Variants in URB2 observed in about 807,000 individuals in gnomAD.
URB2 encodes the protein unhealthy ribosome biogenesis protein 2 homolog.
In URB2, 86 loss-of-function variants were observed where a neutral mutation model predicts 120.9. The observed-to-expected ratio is 0.71, with a 90% CI of 0.60 to 0.85. The LOEUF (loss-of-function observed/expected upper bound fraction) is 0.85. URB2 is among the 40% of genes least tolerant of loss of function. The pLI is 0.00. For synonymous variants in URB2, 755 were observed against 758.4 expected (o/e 1.00, Z 0.07); for missense variants, 1,765 against 1,836.5 (o/e 0.96, Z 0.71).
rs751768954 is a variant in URB2, at chr1:229,637,826, C to A, written c.3213C>A (p.Leu1071=). ...TRLCHVLGPF[L]KEQKLGQEAP... ...TGTGCCATGTCCTGGGACCTTTCCTCAAAGAGCAGAAGCTGGGCCAAGAGG... is the reference window on the plus strand; with the variant it reads ...TGTGCCATGTCCTGGGACCTTTCCTAAAAGAGCAGAAGCTGGGCCAAGAGG... The change falls in exon 4 of 10, where the codon CTC becomes CTA. Residue 1071 remains leucine (L), a synonymous_variant. Coordinates refer to ENST00000258243, the MANE Select transcript of URB2 (RefSeq NM_014777.4). 6.2e-7 allele frequency: 1 copy of A among 1,609,962 alleles called. No homozygotes were observed. The highest frequency in any genetic ancestry group is 1.1e-5 in the South Asian group (1 of 90,820).
At chr1:229,634,210 T>G (rs1356840815) in intron 3 of URB2, among the ~76,000 whole-genome samples, 2 of 151,142 alleles carry the variant, frequency 1.3e-5, no homozygotes, top group African/African-American at 4.9e-5. Context: ...AACATGCATT[T>G]TTTTTTCTTT....
chr1:229,626,421 GGGGCTGGTCCAGAGGAGATCCCCCT>G (rs1665477614), intron 1 of URB2, 65 bp downstream of exon 1: 2 of 152,622 alleles, frequency 1.3e-5, no homozygotes, highest in Non-Finnish European at 2.9e-5. Context: ...CCCCCCACCC[GGGGCTGGTCCAGAGGAGATCCCCCT>G]ACCTAAGGCC....
Position 229,638,241 on chromosome 1 carries a change from C to T in URB2, c.3628C>T (p.Leu1210Phe). 1 of 1,594,518 alleles carries T rather than the reference C, an allele frequency of 6.3e-7. No individual in the cohort carries two copies. The highest frequency in any genetic ancestry group is 8.5e-7 in the Non-Finnish European group (1 of 1,170,686). Residue 1210 changes from leucine to phenylalanine, a missense_variant, in exon 4 of 10, where the codon CTT (leucine) becomes TTT (phenylalanine). Leu to Phe is a conservative substitution (Grantham distance 22). Transcript: ENST00000258243. ...TSMFHSVRRV[L>F]ADPEIPVQVT... is the part of the protein sequence containing the mutation. ...CATGTTTCATTCTGTGAGAAGAGTT[C>T]TTGCAGGTAAGATATTTTCTCTTGA... is the stretch of plus-strand genomic sequence containing the variant.
intron 6 of URB2, among the ~76,000 whole-genome samples, chr1:229,646,967 C>A (rs981597020): frequency 1.1e-4 from 16 of 152,206 alleles, no homozygotes; most frequent in Non-Finnish European, 1.6e-4. Context: ...TCCTGAGCAT[C>A]CGTGTTGGTG....
chr1:229,636,516 A>G lies in URB2; in HGVS notation c.1903A>G (p.Ile635Val). 4 of 1,614,182 alleles carry G rather than the reference A, an allele frequency of 2.5e-6. No homozygotes were observed. Among genetic ancestry groups the G allele is most frequent in the South Asian group, 1.1e-5 (1 of 91,074 alleles). Residue 635 changes from isoleucine to valine, a missense_variant, in exon 4 of 10, where the codon ATA becomes GTA. Coordinates refer to ENST00000258243, the MANE Select transcript of URB2 (RefSeq NM_014777.4). The part of the protein sequence containing the change: ...SQYHSMSGPL[I>V]GVALEISNLP... ...GTATCACTCTATGTCTGGGCCCCTTATAGGTGTTGCTCTGGAGATCTCGAA... is the reference window on the plus strand; with the variant it reads ...GTATCACTCTATGTCTGGGCCCCTTGTAGGTGTTGCTCTGGAGATCTCGAA...
At chr1:229,641,959 A>G (rs1666022652) in intron 4 of URB2, among the ~76,000 whole-genome samples, 2 of 152,162 alleles carry the variant, frequency 1.3e-5, no homozygotes, top group South Asian at 2.1e-4. Flanking sequence ...GCAGTGATCC[A>G]TGATTGTGCC....
intron 5 of URB2, among the ~76,000 whole-genome samples, chr1:229,645,447 C>G (rs1160883017): frequency 6.6e-6 from 1 of 152,178 alleles, no homozygotes. Flanking sequence ...TTTCCTCCAG[C>G]CCCTCCTATC....
In URB2 at chr1:229,636,154, G is replaced by A. The variant is rs1166179877; in HGVS notation, c.1541G>A (p.Trp514Ter). The A allele has an allele frequency of 2.5e-6, 4 of 1,614,240 alleles. No homozygotes were observed. Residue 514 changes from tryptophan (W) to a stop codon, truncating the protein, a stop_gained, in exon 4 of 10, where the codon TGG becomes TAG. Coordinates refer to ENST00000258243, the MANE Select transcript of URB2 (RefSeq NM_014777.4). LOFTEE classifies it high-confidence loss of function. ...ELPPSQILDT[W>*]SLVLEKFQSL... ...CCTCCAAGTCAGATCCTGGACACGTGGTCCCTTGTGCTGGAGAAGTTCCAG... is the reference window on the plus strand; with the variant it reads ...CCTCCAAGTCAGATCCTGGACACGTAGTCCCTTGTGCTGGAGAAGTTCCAG...
intron 4 of URB2, among the ~76,000 whole-genome samples, chr1:229,638,578 A>C (rs369559327): frequency 6.6e-6 from 1 of 151,980 alleles, no homozygotes; most frequent in African/African-American, 2.4e-5. Context: ...CCCAGGAGGC[A>C]GAGCTTGCAG....
intron 2 of URB2, among the ~76,000 whole-genome samples, chr1:229,631,602 C>T (rs545630717): frequency 4.6e-5 from 7 of 152,228 alleles, no homozygotes; most frequent in African/African-American, 1.7e-4. Flanking sequence ...TATTGCGTCT[C>T]AAGGAATAGG....
intron 8 of URB2, among the ~76,000 whole-genome samples, chr1:229,652,348 A>G (rs1305057096): frequency 6.6e-6 from 1 of 152,218 alleles, no homozygotes; most frequent in Non-Finnish European, 1.5e-5. Context: ...TCGGGGTGTC[A>G]GAGAAGAGCC....
At position 229,651,223 on chromosome 1, in the gene URB2, CT is replaced by C. The variant is rs534771152; in HGVS notation, c.4150-11del. The C allele has an allele frequency of 5.6e-4, 900 of 1,593,406 alleles. 1 individual carries two copies. Among genetic ancestry groups the C allele is most frequent in the Non-Finnish European group, 7.0e-4 (819 of 1,172,776 alleles). ...CGTATGTACTTTTACATTCTGTTATCTGTCATTACAGGTAATGCTGAAAGCC... is the reference window on the plus strand; with the variant it reads ...CGTATGTACTTTTACATTCTGTTATCGTCATTACAGGTAATGCTGAAAGCC... On this transcript the variant is annotated splice_polypyrimidine_tract_variant and intron_variant, in intron 7 of 9. Transcript: ENST00000258243.
At chr1:229,643,126 AGGTTGAGGAGGAGGAAGAGGAGGGGTT>A (rs796707352) in intron 4 of URB2, among the ~76,000 whole-genome samples, 31 of 152,338 alleles carry the variant, frequency 2.0e-4, no homozygotes, top group African/African-American at 6.3e-4. Flanking sequence ...CACACTGAGT[AGGTTGAGGAGGAGGAAGAGGAGGGGTT>A]GGTCTTGCAG....
chr1:229,637,019 A>C lies in URB2; in HGVS notation c.2406A>C (p.Pro802=), dbSNP rs764248389. ...CCTTCCTTCATAGCCCTCTCTTTCC[A>C]GAGATGCAGTCCCTTCATTCTGCTT... ...SKAFLHSPLF[P]EMQSLHSAFL... is the part of the protein sequence containing the mutation. The change falls in exon 4 of 10, where the codon CCA becomes CCC. Residue 802 remains proline, a synonymous_variant. Transcript: ENST00000258243. The C allele has an allele frequency of 2.0e-5, 33 of 1,613,954 alleles. No homozygotes were observed. The highest frequency in any genetic ancestry group is 2.8e-5 in the Non-Finnish European group (33 of 1,180,054).
At position 229,659,121 on chromosome 1, in the gene URB2, A is replaced by C; in HGVS notation, c.4399A>C (p.Lys1467Gln). 1 of 1,612,116 alleles carries C rather than the reference A, an allele frequency of 6.2e-7. No homozygotes were observed. Among genetic ancestry groups the C allele is most frequent in the East Asian group, 2.2e-5 (1 of 44,862 alleles). The change falls in exon 10 of 10, where the codon AAA (lysine) becomes CAA (glutamine). Residue 1467 changes from lysine to glutamine, a missense_variant. Coordinates refer to ENST00000258243, the MANE Select transcript of URB2 (RefSeq NM_014777.4). ...TCAGGTGACCTTATATCCAGCTGTG[A>C]AAAGTCTGCTGCAGGAGGGCATTTA... ...VQKVTLYPAV[K>Q]SLLQEGIYLI...
At chr1:229,649,802 A>G (rs1666226199) in intron 7 of URB2, among the ~76,000 whole-genome samples, 1 of 152,164 alleles carries the variant, frequency 6.6e-6, no homozygotes, top group African/African-American at 2.4e-5. Flanking sequence ...AGCTTGTTCA[A>G]TCCTCATGAC....
rs752921090 is a variant in URB2 at position 229,636,849 on chromosome 1, A to C, written c.2236A>C (p.Asn746His). ...PVAHWHLIVS[N>H]LTILISYLCP... ...AGCACACTGGCACTTGATTGTGTCA[A>C]ATCTCACAATTTTAATATCCTATCT... The change falls in exon 4 of 10, where the codon AAT (asparagine) becomes CAT (histidine). Residue 746 changes from asparagine to histidine, a missense_variant. Transcript: ENST00000258243. 6.2e-7 allele frequency: 1 copy of C among 1,611,346 alleles called. No homozygotes were observed. The highest frequency in any genetic ancestry group is 1.1e-5 in the South Asian group (1 of 90,972).
chr1:229,633,179 G>A (rs1184648950), intron 3 of URB2, among the ~76,000 whole-genome samples: 2 of 152,086 alleles, frequency 1.3e-5, no homozygotes, highest in Admixed American at 6.5e-5. Flanking sequence ...AGAGAAAATC[G>A]TTAGAGGCTA....
chr1:229,632,508 G>A (rs1665696849), intron 3 of URB2, 63 bp downstream of exon 3: 2 of 1,405,936 alleles, frequency 1.4e-6, no homozygotes. Flanking sequence ...GTTAATGCTG[G>A]AAACTTGTTT....
Sources: gnomAD v4.1 joint callset for allele counts (sites outside exome capture counted in the v4.1 genomes callset) on GRCh38, gnomAD v4.1.1 for gene constraint, MANE v1.5 for transcripts, NCBI Gene and HGNC (gene_info 2026-07-23, HGNC 2026-07-21) for gene names.